USP42: variants seen among roughly 807,000 people sequenced by gnomAD.
USP42 encodes the protein ubiquitin specific peptidase 42.
USP42 carries 23 observed loss-of-function variants against 113.0 expected under a neutral mutation model. The observed-to-expected ratio is 0.20, with a 90% CI of 0.15 to 0.29. USP42 has a LOEUF of 0.29. Among genes scored for constraint, USP42 ranks in the 10% least tolerant of loss-of-function variants. The pLI, the probability that USP42 is intolerant of heterozygous loss-of-function variation, is 1.00. For missense variants in USP42, 2,174 were observed against 1,779.8 expected (o/e 1.22, Z -3.99); for synonymous variants, 933 against 699.0 (o/e 1.33, Z -5.28).
chr7:6,146,029 T>C, intron 10 of USP42, 119 bp from the exon 11 acceptor site: 1 of 821,194 alleles, frequency 1.2e-6, no homozygotes, highest in Non-Finnish European at 1.9e-6. Flanking sequence ...GCCACTGCAC[T>C]CCAGCCTGGG....
In USP42 at chr7:6,139,277, T is replaced by C. The variant is rs1399960817; in HGVS notation, c.656+83T>C. The C allele has an allele frequency of 8.6e-7, 1 of 1,158,298 alleles. No homozygotes were observed. Among genetic ancestry groups the C allele is most frequent in the African/African-American group, 1.6e-5 (1 of 63,810 alleles). 71.8% of individuals were successfully genotyped at this position (1,158,298 alleles called of 1,614,324 possible). On this transcript the variant is annotated intron_variant, in intron 5 of 17. Coordinates refer to ENST00000306177, the MANE Select transcript of USP42 (RefSeq NM_032172.3). This position sits in a 1 kb window ranked among gnomAD's most constrained non-coding sequence, Gnocchi z 4.5. ...TCTTATCAGAATTCATTTTCACCTT[T>C]TTTGTTGGAAGCACACAGAACAGTG...
intron 2 of USP42, 138 bp from the exon 3 acceptor site, chr7:6,115,185 C>T: frequency 1.3e-6 from 1 of 789,672 alleles, no homozygotes; most frequent in Non-Finnish European, 2.0e-6. Context: ...TAAAATGTCC[C>T]TCTTCCCCCT....
intron 3 of USP42, among the ~76,000 whole-genome samples, chr7:6,119,444 C>T (rs1326225324): frequency 1.3e-5 from 2 of 152,140 alleles, no homozygotes; most frequent in Non-Finnish European, 2.9e-5. Context: ...ACGCTGCAGC[C>T]TGGGCAGCAG....
At position 6,159,507 on chromosome 7, in the gene USP42, C is replaced by T. The variant is rs1469630237; in HGVS notation, c.*36+14C>T. 1 of 1,611,550 alleles carries T rather than the reference C, an allele frequency of 6.2e-7. No homozygotes were observed. Among genetic ancestry groups the T allele is most frequent in the East Asian group, 2.2e-5 (1 of 44,854 alleles). ...TCACTAGTTATGGTAAGCTGTTTTCCTGTCTGTTTCCTCATTGTTTGTGGT... is the reference window on the plus strand; with the variant it reads ...TCACTAGTTATGGTAAGCTGTTTTCTTGTCTGTTTCCTCATTGTTTGTGGT... On this transcript the variant is annotated intron_variant, in intron 17 of 17. Coordinates refer to ENST00000306177, the MANE Select transcript of USP42 (RefSeq NM_032172.3). The surrounding 1 kb of genome is among the most constrained non-coding windows in gnomAD (Gnocchi z 4.1).
rs191745158 is a variant in USP42 at position 6,145,103 on chromosome 7, C to A, written c.991-413C>A. On this transcript the variant is annotated intron_variant, in intron 9 of 17. Transcript: ENST00000306177. Reference sequence around the variant, plus strand: ...AATTCTAGCACTTTGGGAGGCCAAGCTGGGTGGATCACGAGGTCAGGCGTT... The same window carrying A: ...AATTCTAGCACTTTGGGAGGCCAAGATGGGTGGATCACGAGGTCAGGCGTT... Among the ~76,000 whole-genome samples the A allele has an allele frequency of 1.2e-3, 188 of 152,170 alleles. 2 individuals are homozygous for A. Among genetic ancestry groups the A allele is most frequent in the Admixed American group, 0.012 (186 of 15,290 alleles).
At chr7:6,120,501 C>A (rs1053059678) in intron 3 of USP42, among the ~76,000 whole-genome samples, 5 of 151,916 alleles carry the variant, frequency 3.3e-5, no homozygotes, top group Non-Finnish European at 7.4e-5. Flanking sequence ...ACTCGGCCTC[C>A]CAAAGTGCTG....
At chr7:6,119,560 A>G (rs775000672) in intron 3 of USP42, among the ~76,000 whole-genome samples, 3 of 152,254 alleles carry the variant, frequency 2.0e-5, no homozygotes, top group Non-Finnish European at 4.4e-5. Context: ...GTGAATTTCT[A>G]CAAATAATCT....
chr7:6,119,216 A>G (rs1354942828), intron 3 of USP42, among the ~76,000 whole-genome samples: 1 of 151,966 alleles, frequency 6.6e-6, no homozygotes, highest in Admixed American at 6.6e-5. Flanking sequence ...TGCTGTCTCA[A>G]AAAAAAAGTT....
chr7:6,157,001 C>G lies in USP42; in HGVS notation c.3889C>G (p.His1297Asp), dbSNP rs1782492725. ...GVGPFREKTKHLRMESRDDRC... is the reference protein window; with the variant it reads ...GVGPFREKTKDLRMESRDDRC... Reference sequence around the variant, plus strand: ...CGGACCTTTCCGTGAGAAAACGAAACACTTACGGATGGAAAGCAGGGATGA... The same window carrying G: ...CGGACCTTTCCGTGAGAAAACGAAAGACTTACGGATGGAAAGCAGGGATGA... Residue 1297 changes from histidine (H) to aspartate (D), a missense_variant, in exon 16 of 18, where the codon CAC (histidine) becomes GAC (aspartate). Coordinates refer to ENST00000306177, the MANE Select transcript of USP42 (RefSeq NM_032172.3). This position sits in a 1 kb window ranked among gnomAD's most constrained non-coding sequence, Gnocchi z 4.1. 5 of 1,613,396 alleles carry G rather than the reference C, an allele frequency of 3.1e-6. No homozygotes were observed. In the South Asian group the frequency reaches 5.5e-5, roughly 18 times the overall value.
the USP42 span, among the ~76,000 whole-genome samples, chr7:6,098,547 T>C: frequency 3.0e-3 from 444 of 150,308 alleles, 44 homozygotes; most frequent in African/African-American, 0.01. Flanking sequence ...CATTGTTTTC[T>C]TGTTTTTTGT....
intron 1 of USP42, among the ~76,000 whole-genome samples, chr7:6,106,054 T>C (rs530023808): frequency 6.6e-6 from 1 of 152,366 alleles, no homozygotes; most frequent in African/African-American, 2.4e-5. Flanking sequence ...TTAAACCTAA[T>C]TCTTTTTACT....
rs764760055 is a variant in USP42, at chr7:6,154,098, G to A, written c.2544G>A (p.Leu848=). The change falls in exon 15 of 18, where the codon TTG becomes TTA. Residue 848 remains leucine, a synonymous_variant. Coordinates refer to ENST00000306177, the MANE Select transcript of USP42 (RefSeq NM_032172.3). ...CGGAGGGCCCGCGGGACTCGGCGTT[G>A]GCGGAAGCCCCGGAAGGGTTGAGTC... The part of the protein sequence containing the change: ...MIAEGPRDSA[L]AEAPEGLSPA... The A allele has an allele frequency of 1.2e-6, 2 of 1,604,906 alleles. No individual in the cohort carries two copies. The highest frequency in any genetic ancestry group is 1.3e-5 in the African/African-American group (1 of 74,892).
rs1340175176 is a variant in USP42 at position 6,156,612 on chromosome 7, G to A, written c.3642-142G>A. On this transcript the variant is annotated intron_variant, in intron 15 of 17. Coordinates refer to ENST00000306177, the MANE Select transcript of USP42 (RefSeq NM_032172.3). ...CTACAGGTGTGCGCCACCATACCTG[G>A]CCTACGTGGCTAATTAGATAAGAAT... The A allele has an allele frequency of 3.1e-6, 4 of 1,310,166 alleles. No individual in the cohort carries two copies. In the African/African-American group the frequency reaches 6.1e-5, roughly 20 times the overall value. 81.2% of individuals were successfully genotyped at this position (1,310,166 alleles called of 1,614,324 possible). A position where few individuals can be genotyped will look rare whatever the true frequency, so the allele number is the denominator to read the frequency against.
chr7:6,117,646 T>A (rs550693175), intron 3 of USP42, among the ~76,000 whole-genome samples: 9 of 152,220 alleles, frequency 5.9e-5, no homozygotes, highest in African/African-American at 2.2e-4. Flanking sequence ...TTGCAGTGTT[T>A]TATAGTCCCA....
At chr7:6,143,051 T>C in intron 8 of USP42, 37 bp downstream of exon 8, 3 of 1,605,820 alleles carry the variant, frequency 1.9e-6, no homozygotes, top group Non-Finnish European at 2.6e-6. Flanking sequence ...GATGCCGGCT[T>C]CTCCAGTGGG....
the USP42 span, chr7:6,085,241 T>A: frequency 6.6e-6 from 1 of 150,708 alleles, no homozygotes; most frequent in South Asian, 2.1e-4. Flanking sequence ...TGCCTTAGCC[T>A]CCAGAGTAGC....
chr7:6,141,487 C>T (rs965426982), intron 7 of USP42, among the ~76,000 whole-genome samples: 3 of 151,972 alleles, frequency 2.0e-5, no homozygotes, highest in East Asian at 3.9e-4. Flanking sequence ...TGAGCCACCG[C>T]GCCCGGCCTG....
intron 4 of USP42, among the ~76,000 whole-genome samples, chr7:6,136,718 A>G (rs566950722): frequency 1.3e-5 from 2 of 152,306 alleles, no homozygotes; most frequent in East Asian, 3.9e-4. Flanking sequence ...GCTACTCTGG[A>G]CACACTGCCT....
chr7:6,097,907 C>CTTT, the USP42 span, among the ~76,000 whole-genome samples: 3 of 103,624 alleles, frequency 2.9e-5, no homozygotes, highest in Non-Finnish European at 5.8e-5. Flanking sequence ...TCTTTCTTTT[C>CTTT]TTTTTTTTTT....
Sources: gnomAD v4.1 joint callset for allele counts (sites outside exome capture counted in the v4.1 genomes callset) on GRCh38, gnomAD v4.1.1 for gene constraint, Gnocchi (gnomAD v3.1) non-coding constraint, MANE v1.5 for transcripts, NCBI Gene and HGNC (gene_info 2026-07-23, HGNC 2026-07-21) for gene names.